Variants in TRDN observed in about 807,000 individuals in gnomAD.
The protein encoded by TRDN is triadin, also known as triadin in skeletal muscle.
TRDN carries 161 observed loss-of-function variants against 149.7 expected under a neutral mutation model. The ratio of observed to expected loss-of-function variants is 1.08; its 90% CI spans 0.95 to 1.23. The LOEUF is 1.23. Ranked by LOEUF, TRDN falls within the 50% of genes most tolerant of loss-of-function variation. TRDN has a pLI of 0.00. For missense variants in TRDN, 896 were observed against 823.5 expected (o/e 1.09, Z -1.08); for synonymous variants, 294 against 250.5 (o/e 1.17, Z -1.64).
chr6:123,219,830 C>T (rs1263712292), intron 40 of TRDN, among the ~76,000 whole-genome samples: 10 of 151,860 alleles, frequency 6.6e-5, no homozygotes, highest in Admixed American at 5.9e-4. Context: ...AGGCAGGCTA[C>T]AAGAGGGACA....
At chr6:123,321,506 T>C (rs1475703910) in intron 23 of TRDN, among the ~76,000 whole-genome samples, 1 of 152,102 alleles carries the variant, frequency 6.6e-6, no homozygotes, top group Non-Finnish European at 1.5e-5. Flanking sequence ...CTGTTGCTAC[T>C]ACTTGCTATT....
chr6:123,404,389 C>T (rs989427065), intron 12 of TRDN, among the ~76,000 whole-genome samples: 1 of 152,108 alleles, frequency 6.6e-6, no homozygotes, highest in African/African-American at 2.4e-5. Context: ...ATTTAGATTA[C>T]AATCTATTTT....
At chr6:123,397,055 A>AC (rs1772760818) in intron 12 of TRDN, among the ~76,000 whole-genome samples, 2 of 152,090 alleles carry the variant, frequency 1.3e-5, no homozygotes, top group African/African-American at 4.8e-5. Context: ...CTGAAAAAAA[A>AC]AACAGTGTAT....
chr6:123,553,132 G>C (rs1382064320), intron 2 of TRDN, among the ~76,000 whole-genome samples: 1 of 152,082 alleles, frequency 6.6e-6, no homozygotes, highest in Non-Finnish European at 1.5e-5. Flanking sequence ...TCTGTTGAAT[G>C]ACCAAAATGT....
At chr6:123,528,042 T>C (rs567383450) in intron 5 of TRDN, among the ~76,000 whole-genome samples, 1 of 151,998 alleles carries the variant, frequency 6.6e-6, no homozygotes, top group African/African-American at 2.4e-5. Context: ...CATTCTTCCC[T>C]GAGGAAAATA....
At chr6:123,398,823 T>C (rs1162123318) in intron 12 of TRDN, among the ~76,000 whole-genome samples, 1 of 152,192 alleles carries the variant, frequency 6.6e-6, no homozygotes, top group Non-Finnish European at 1.5e-5. Context: ...ATATGCAAAT[T>C]GCAAAAGGTG....
At chr6:123,332,898 G>C (rs985651019) in intron 22 of TRDN, among the ~76,000 whole-genome samples, 1 of 151,990 alleles carries the variant, frequency 6.6e-6, no homozygotes, top group Non-Finnish European at 1.5e-5. Context: ...TTTATTAAAA[G>C]AACTGCATCT....
At chr6:123,335,107 A>G (rs1779813625) in intron 22 of TRDN, among the ~76,000 whole-genome samples, 1 of 152,004 alleles carries the variant, frequency 6.6e-6, no homozygotes, top group Admixed American at 6.6e-5. Flanking sequence ...TGAAGTCCCT[A>G]AAATCTTATA....
At chr6:123,351,002 T>C (rs915279915) in intron 21 of TRDN, 1 of 984,430 alleles carries the variant, frequency 1.0e-6, no homozygotes, top group Non-Finnish European at 1.2e-6. Context: ...AGAAACAATG[T>C]TTTCAAATCA....
rs141279303 is a variant in TRDN at position 123,325,967 on chromosome 6, G to A, written c.1471+5912C>T. On this transcript the variant is annotated intron_variant, in intron 23 of 40. Coordinates refer to ENST00000334268, the MANE Select transcript of TRDN (RefSeq NM_006073.4). Reference sequence around the variant, plus strand: ...AGAAACAACATTGTACCTTTGCAATGAGACACAAAAACTAGTGACAACTGA... The same window carrying A: ...AGAAACAACATTGTACCTTTGCAATAAGACACAAAAACTAGTGACAACTGA... 6.0e-4 allele frequency among the ~76,000 whole-genome samples: 92 copies of A among 152,142 alleles called. 1 individual carries two copies. Among genetic ancestry groups the A allele is most frequent in the Non-Finnish European group, 9.3e-4 (63 of 67,960 alleles).
chr6:123,632,564 C>T (rs1786062547), intron 1 of TRDN, among the ~76,000 whole-genome samples: 1 of 152,024 alleles, frequency 6.6e-6, no homozygotes, highest in Admixed American at 6.6e-5. Context: ...AATAGGCTAG[C>T]TTTCTAATGT....
chr6:123,483,474 G>T (rs975364992), intron 9 of TRDN, among the ~76,000 whole-genome samples: 2 of 151,928 alleles, frequency 1.3e-5, no homozygotes, highest in East Asian at 3.9e-4. Context: ...GAAAAAAATG[G>T]CCAAATAAAT....
chr6:123,406,562 T>G (rs1773197861), intron 12 of TRDN, among the ~76,000 whole-genome samples: 1 of 151,670 alleles, frequency 6.6e-6, no homozygotes. Context: ...ATATATAATA[T>G]TAAATTTTAT....
In TRDN at chr6:123,464,963, G is replaced by A. The variant is rs549030753; in HGVS notation, c.874C>T (p.Pro292Ser). 3.8e-6 allele frequency: 6 copies of A among 1,599,254 alleles called. No individual in the cohort carries two copies. The African/African-American group carries it at 6.7e-5, about 18-fold the overall frequency. Residue 292 changes from proline to serine, a missense_variant, in exon 10 of 41, where the codon CCT (proline) becomes TCT (serine). Pro to Ser is a moderately conservative substitution (Grantham distance 74). Transcript: ENST00000334268. ...LKPGQSPAIP[P>S]PLPTEQASRP... ...GAAGCTTGTTCTGTCGGTAAGGGAG[G>A]TGGAATGGCTGGGCTTTGTCCTACA...
chr6:123,555,502 A>G (rs1158283678), intron 2 of TRDN, among the ~76,000 whole-genome samples: 1 of 152,094 alleles, frequency 6.6e-6, no homozygotes, highest in Non-Finnish European at 1.5e-5. Context: ...ATAGTACTGG[A>G]ATTACATATT....
chr6:123,518,627 G>A (rs1779525363), intron 5 of TRDN, among the ~76,000 whole-genome samples: 1 of 152,132 alleles, frequency 6.6e-6, no homozygotes, highest in Non-Finnish European at 1.5e-5. Context: ...AGAGCAAAGG[G>A]ACTGAATTCG....
Position 123,464,936 on chromosome 6 carries a change from T to C in TRDN, c.901A>G (p.Arg301Gly). 1 of 1,598,870 alleles carries C rather than the reference T, an allele frequency of 6.3e-7. No homozygotes were observed. Among genetic ancestry groups the C allele is most frequent in the Non-Finnish European group, 8.5e-7 (1 of 1,172,420 alleles). Residue 301 changes from arginine to glycine, a missense_variant, in exon 10 of 41, where the codon AGA (arginine) becomes GGA (glycine). Coordinates refer to ENST00000334268, the MANE Select transcript of TRDN (RefSeq NM_006073.4). The stretch of plus-strand genomic sequence containing the variant: ...AGGGCAGGTGATGCCGGAGTGGGTC[T>C]GGAAGCTTGTTCTGTCGGTAAGGGA... ...PPPLPTEQAS[R>G]PTPASPALEE...
At chr6:123,446,990 G>A (rs1490315732) in intron 10 of TRDN, among the ~76,000 whole-genome samples, 1 of 152,060 alleles carries the variant, frequency 6.6e-6, no homozygotes, top group Non-Finnish European at 1.5e-5. Context: ...AACATGGTAA[G>A]AGTACCTCCC....
At chr6:123,374,786 C>CA (rs1415688379) in intron 19 of TRDN, among the ~76,000 whole-genome samples, 1 of 150,380 alleles carries the variant, frequency 6.6e-6, no homozygotes, top group African/African-American at 2.4e-5. Flanking sequence ...AAAACAAAAA[C>CA]AAAAACAAAA....
Sources: gnomAD v4.1 joint callset for allele counts (sites outside exome capture counted in the v4.1 genomes callset) on GRCh38, gnomAD v4.1.1 for gene constraint, MANE v1.5 for transcripts, NCBI Gene and HGNC (gene_info 2026-07-23, HGNC 2026-07-21) for gene names.